Variants in BCL2L11 observed in about 807,000 individuals in gnomAD.
BCL2L11 encodes the protein BCL2 like 11.
In BCL2L11, 15 loss-of-function variants were observed where a neutral mutation model predicts 20.6. The ratio of observed to expected loss-of-function variants is 0.73; its 90% CI spans 0.49 to 1.12. The LOEUF is 1.12. BCL2L11 is among the 50% of genes most tolerant of loss of function. BCL2L11 has a pLI of 0.00. For synonymous variants in BCL2L11, 108 were observed against 92.8 expected (o/e 1.16, Z -0.94); for missense variants, 292 against 260.9 (o/e 1.12, Z -0.82).
chr2:111,150,220 G>A, intron 3 of BCL2L11, 73 bp downstream of exon 3: 1 of 1,548,494 alleles, frequency 6.5e-7, no homozygotes, highest in Non-Finnish European at 8.7e-7. Context: ...TAAAAAGACA[G>A]TGACTTCTTG....
intron 1 of BCL2L11, 119 bp downstream of exon 1, chr2:111,121,307 C>T (rs2070845521): frequency 5.7e-6 from 1 of 174,046 alleles, no homozygotes; most frequent in Non-Finnish European, 1.2e-5. Context: ...ACGCTTGCAT[C>T]GGCGCCGCTT....
At chr2:111,139,948 C>T (rs1212316301) in intron 2 of BCL2L11, among the ~76,000 whole-genome samples, 1 of 152,208 alleles carries the variant, frequency 6.6e-6, no homozygotes, top group Non-Finnish European at 1.5e-5. Flanking sequence ...GTGTGGACCA[C>T]GAGGCAGCAG....
At chr2:111,124,855 C>T (rs2072181231) in intron 2 of BCL2L11, among the ~76,000 whole-genome samples, 1 of 151,430 alleles carries the variant, frequency 6.6e-6, no homozygotes, top group Non-Finnish European at 1.5e-5. Flanking sequence ...CAACATAGAA[C>T]CATGAAAATG....
intron 2 of BCL2L11, among the ~76,000 whole-genome samples, chr2:111,141,735 G>A (rs2075854857): frequency 6.9e-6 from 1 of 144,230 alleles, no homozygotes; most frequent in Admixed American, 7.0e-5. Context: ...TTTCGCTCTT[G>A]TCACCCAGGC....
intron 2 of BCL2L11, among the ~76,000 whole-genome samples, chr2:111,132,713 A>G (rs547131355): frequency 5.9e-5 from 9 of 152,328 alleles, no homozygotes; most frequent in South Asian, 4.1e-4. Context: ...ATTGCCTGTA[A>G]TACCTACAGA....
At chr2:111,153,203 C>T (rs1236527307) in intron 3 of BCL2L11, among the ~76,000 whole-genome samples, 1 of 151,860 alleles carries the variant, frequency 6.6e-6, no homozygotes. Flanking sequence ...GATGGTGAAG[C>T]CCCGTCTCTA....
intron 2 of BCL2L11, among the ~76,000 whole-genome samples, chr2:111,137,147 A>T: frequency 6.6e-6 from 1 of 152,180 alleles, no homozygotes; most frequent in East Asian, 1.9e-4. Flanking sequence ...GAGTACTTGT[A>T]GTAGGTTTAG....
At chr2:111,161,599 TG>T in intron 3 of BCL2L11, 1 of 1,501,324 alleles carries the variant, frequency 6.7e-7, no homozygotes, top group Non-Finnish European at 8.9e-7. Context: ...CCACTCACAC[TG>T]CAAATGACAG....
chr2:111,158,526 A>G (rs2078160052), intron 3 of BCL2L11, among the ~76,000 whole-genome samples: 1 of 151,236 alleles, frequency 6.6e-6, no homozygotes, highest in Non-Finnish European at 1.5e-5. Context: ...TCAGCCTCCT[A>G]TTATATATAA....
intron 2 of BCL2L11, chr2:111,145,945 CAAGTA>C: frequency 1.6e-6 from 1 of 643,966 alleles, no homozygotes; most frequent in Non-Finnish European, 1.8e-6. Flanking sequence ...TTTTTTGTAA[CAAGTA>C]AAGAGAAAGA....
At chr2:111,150,916 T>C (rs1159251261) in intron 3 of BCL2L11, among the ~76,000 whole-genome samples, 2 of 150,388 alleles carry the variant, frequency 1.3e-5, no homozygotes, top group African/African-American at 4.9e-5. Context: ...GTGTGTGTGT[T>C]TGTTTTTGAG....
intron 2 of BCL2L11, among the ~76,000 whole-genome samples, chr2:111,126,382 A>AT (rs2072623638): frequency 6.6e-6 from 1 of 152,180 alleles, no homozygotes; most frequent in Non-Finnish European, 1.5e-5. Context: ...GTAATTTTAT[A>AT]GTATTAGCTG....
chr2:111,144,050 A>G (rs778449378), intron 2 of BCL2L11, among the ~76,000 whole-genome samples: 7 of 152,246 alleles, frequency 4.6e-5, no homozygotes, highest in East Asian at 1.9e-4. Context: ...TCTTTTGACC[A>G]TGGCTCCATA....
In BCL2L11 at chr2:111,150,135, C is replaced by T; in HGVS notation, c.486C>T (p.Tyr162=). 1 of 1,613,744 alleles carries T rather than the reference C, an allele frequency of 6.2e-7. No individual in the cohort carries two copies. Residue 162 remains tyrosine (Y), a synonymous_variant, in exon 3 of 4, where the codon TAC becomes TAT. Coordinates refer to ENST00000393256, the MANE Select transcript of BCL2L11 (RefSeq NM_138621.5). ...LRRIGDEFNA[Y]YARRVFLNNY... ...GTATTGGAGACGAGTTTAACGCTTACTATGCAAGGAGGGTAATGATGTTTT... is the reference window on the plus strand; with the variant it reads ...GTATTGGAGACGAGTTTAACGCTTATTATGCAAGGAGGGTAATGATGTTTT...
intron 2 of BCL2L11, among the ~76,000 whole-genome samples, chr2:111,141,925 T>C (rs1452086798): frequency 6.6e-6 from 1 of 152,160 alleles, no homozygotes; most frequent in Non-Finnish European, 1.5e-5. Context: ...GGTCTTGAAC[T>C]CCTGACCTCA....
At chr2:111,123,688 T>C (rs2071783984) in intron 1 of BCL2L11, 45 bp from the exon 2 acceptor site, 1 of 1,337,528 alleles carries the variant, frequency 7.5e-7, no homozygotes, top group South Asian at 2.3e-5. Context: ...ATTCATCGAT[T>C]TTTTTTTTTG....
intron 3 of BCL2L11, among the ~76,000 whole-genome samples, 158 bp from the exon 4 acceptor site, chr2:111,163,975 A>G (rs996755576): frequency 1.3e-5 from 2 of 150,484 alleles, no homozygotes; most frequent in Non-Finnish European, 2.9e-5. Flanking sequence ...TTTCTTCACA[A>G]TCTCTGGGAG....
intron 2 of BCL2L11, chr2:111,142,394 GA>G: frequency 6.5e-7 from 1 of 1,549,798 alleles, no homozygotes; most frequent in South Asian, 1.2e-5. Flanking sequence ...AAATCAAGGT[GA>G]AAAGTTTTTC....
At chr2:111,151,592 C>T (rs2077264905) in intron 3 of BCL2L11, among the ~76,000 whole-genome samples, 1 of 151,858 alleles carries the variant, frequency 6.6e-6, no homozygotes, top group Admixed American at 6.6e-5. Flanking sequence ...ATTTTTCTGC[C>T]TTTATACAAT....
Sources: allele counts gnomAD v4.1 joint callset (sites outside exome capture counted in the v4.1 genomes callset), GRCh38; gene constraint gnomAD v4.1.1; transcripts MANE v1.5; gene names NCBI Gene and HGNC (gene_info 2026-07-23, HGNC 2026-07-21).